Variants in DSCAM observed in about 807,000 individuals in gnomAD.
DSCAM encodes cell adhesion molecule DSCAM.
In DSCAM, 47 loss-of-function variants were observed where a neutral mutation model predicts 217.7. That is an observed-to-expected ratio of 0.22 (90% CI 0.17 to 0.28). The LOEUF (loss-of-function observed/expected upper bound fraction) is 0.28. Among genes scored for constraint, DSCAM ranks in the 10% least tolerant of loss-of-function variants. The pLI is 1.00. For missense variants in DSCAM, 2,080 were observed against 2,618.3 expected, an observed-to-expected ratio of 0.79 and a Z score of 4.49; for synonymous variants, 1,056 against 1,015.3, an observed-to-expected ratio of 1.04 and a Z score of -0.76.
At chr21:40,559,986 G>T (rs942878408) in intron 3 of DSCAM, among the ~76,000 whole-genome samples, 4 of 151,836 alleles carry the variant, frequency 2.6e-5, no homozygotes, top group East Asian at 1.9e-4. Context: ...GTAGAGACGG[G>T]GTTTCACCGT....
intron 27 of DSCAM, among the ~76,000 whole-genome samples, chr21:40,069,869 C>T (rs977192892): frequency 6.6e-6 from 1 of 152,124 alleles, no homozygotes; most frequent in African/African-American, 2.4e-5. Flanking sequence ...AATTTGAAAA[C>T]TGTGGCAGAC....
rs1450174848 is a variant in DSCAM, at chr21:40,682,615, G to GAGAGAAAGAA, written c.508+10194_508+10195insTTCTTTCTCT. ...AGAGAGAAAGAGAGAAAGAAAGAAA[G>GAGAGAAAGAA]AGAAAGAGAAAGAGAGAGAAAGAAA... On this transcript the variant is annotated intron_variant, in intron 3 of 32. Coordinates refer to ENST00000400454, the MANE Select transcript of DSCAM (RefSeq NM_001389.5). Among the ~76,000 whole-genome samples, 166 of 103,314 alleles carry GAGAGAAAGAA rather than the reference G, an allele frequency of 1.6e-3. 1 individual carries two copies. The highest frequency in any genetic ancestry group is 6.0e-3 in the African/African-American group (145 of 24,318). The allele number at this position is 103,314 out of a possible 152,430, so 67.8% of individuals were successfully genotyped here.
intron 11 of DSCAM, among the ~76,000 whole-genome samples, chr21:40,212,640 T>C (rs189892666): frequency 3.9e-5 from 6 of 152,168 alleles, no homozygotes; most frequent in Non-Finnish European, 8.8e-5. Context: ...ATAAAGCAGG[T>C]TTTTTAGGGG....
intron 26 of DSCAM, among the ~76,000 whole-genome samples, chr21:40,076,094 T>A (rs1225851658): frequency 6.6e-6 from 1 of 152,114 alleles, no homozygotes; most frequent in Non-Finnish European, 1.5e-5. Flanking sequence ...AAAAATAATA[T>A]AATTTCTCCC....
intron 3 of DSCAM, among the ~76,000 whole-genome samples, chr21:40,646,032 A>T (rs2089942045): frequency 6.6e-6 from 1 of 152,166 alleles, no homozygotes; most frequent in Non-Finnish European, 1.5e-5. Flanking sequence ...GAGATAAAGT[A>T]CCACCATGAA....
At position 40,402,943 on chromosome 21, in the gene DSCAM, T is replaced by C. The variant is rs377683213; in HGVS notation, c.509-33698A>G. The stretch of plus-strand genomic sequence containing the variant: ...TACAGGAAAAAATGAATTAACACAA[T>C]TGAGAAAATTTGGAAGCAAGATTAT... On this transcript the variant is annotated intron_variant, in intron 3 of 32. Coordinates refer to ENST00000400454, the MANE Select transcript of DSCAM (RefSeq NM_001389.5). Among the ~76,000 whole-genome samples the C allele has an allele frequency of 1.2e-4, 18 of 151,212 alleles. No individual in the cohort carries two copies. In the East Asian group the frequency reaches 3.3e-3, roughly 28 times the overall value.
intron 28 of DSCAM, among the ~76,000 whole-genome samples, chr21:40,058,164 G>A (rs749677637): frequency 1.8e-4 from 27 of 152,004 alleles, no homozygotes; most frequent in Non-Finnish European, 2.8e-4. Flanking sequence ...GAGCCACTGC[G>A]CCTGGCCGGA....
chr21:40,733,183 G>C (rs372706287), intron 1 of DSCAM, among the ~76,000 whole-genome samples: 182 of 152,314 alleles, frequency 1.2e-3, no homozygotes, highest in African/African-American at 3.6e-3. Flanking sequence ...TAACCCACTG[G>C]AGAGGCACTT....
At chr21:40,732,713 T>A (rs2146528086) in intron 1 of DSCAM, among the ~76,000 whole-genome samples, 1 of 152,298 alleles carries the variant, frequency 6.6e-6, no homozygotes, top group African/African-American at 2.4e-5. Flanking sequence ...CTAGCCTGAA[T>A]CCAAGACAAA....
chr21:40,757,474 T>C (rs1481106154), intron 1 of DSCAM, among the ~76,000 whole-genome samples: 4 of 152,226 alleles, frequency 2.6e-5, no homozygotes, highest in Non-Finnish European at 4.4e-5. Flanking sequence ...CCCTGACTTC[T>C]CTACTCCTTC....
intron 11 of DSCAM, among the ~76,000 whole-genome samples, chr21:40,242,415 G>T (rs2073165914): frequency 6.6e-6 from 1 of 152,172 alleles, no homozygotes; most frequent in African/African-American, 2.4e-5. Context: ...AGTGCCATGT[G>T]TATCTTCCAA....
At chr21:40,294,823 G>A (rs2073935458) in intron 10 of DSCAM, among the ~76,000 whole-genome samples, 1 of 152,226 alleles carries the variant, frequency 6.6e-6, no homozygotes, top group Admixed American at 6.5e-5. Flanking sequence ...TGGGGGCAGA[G>A]ACTCTGAATA....
intron 3 of DSCAM, among the ~76,000 whole-genome samples, chr21:40,548,226 G>A (rs1019671125): frequency 2.6e-5 from 4 of 152,198 alleles, no homozygotes; most frequent in Non-Finnish European, 5.9e-5. Flanking sequence ...TTTACAAGGC[G>A]AGTGTATTAC....
chr21:40,757,561 T>G (rs934061481), intron 1 of DSCAM, among the ~76,000 whole-genome samples: 2 of 152,188 alleles, frequency 1.3e-5, no homozygotes, highest in African/African-American at 2.4e-5. Context: ...GGGAAGGGCA[T>G]GAGCATTGTG....
intron 20 of DSCAM, among the ~76,000 whole-genome samples, chr21:40,110,266 A>C (rs1324934750): frequency 6.6e-6 from 1 of 152,078 alleles, no homozygotes; most frequent in Admixed American, 6.5e-5. Flanking sequence ...ACCAATATCC[A>C]CTGTTCTGCA....
chr21:40,725,853 A>C (rs1224568113), intron 1 of DSCAM, among the ~76,000 whole-genome samples: 2 of 152,180 alleles, frequency 1.3e-5, no homozygotes, highest in African/African-American at 4.8e-5. Context: ...CCATACTCAA[A>C]GTATCAAACA....
intron 8 of DSCAM, among the ~76,000 whole-genome samples, chr21:40,320,808 C>T (rs1021829179): frequency 6.6e-6 from 1 of 152,152 alleles, no homozygotes; most frequent in Non-Finnish European, 1.5e-5. Flanking sequence ...CAATTATCTC[C>T]CACCAGATCC....
intron 11 of DSCAM, among the ~76,000 whole-genome samples, chr21:40,234,413 C>G (rs949888260): frequency 2.1e-4 from 32 of 152,214 alleles, no homozygotes; most frequent in Non-Finnish European, 1.8e-4. Context: ...AATGAGATTA[C>G]ATAAGCAAAG....
intron 3 of DSCAM, among the ~76,000 whole-genome samples, chr21:40,692,469 T>C (rs2090548319): frequency 6.6e-6 from 1 of 152,192 alleles, no homozygotes; most frequent in Non-Finnish European, 1.5e-5. Context: ...CAGCTATATA[T>C]GCAATGCTGA....
Sources: allele counts gnomAD v4.1 joint callset (sites outside exome capture counted in the v4.1 genomes callset), GRCh38; gene constraint gnomAD v4.1.1; transcripts MANE v1.5; gene names NCBI Gene and HGNC (gene_info 2026-07-23, HGNC 2026-07-21).